Variants in KIAA0319L observed in about 807,000 individuals in gnomAD.
The protein encoded by KIAA0319L is KIAA0319 like, also known as dyslexia-associated protein KIAA0319-like protein.
A neutral mutation model predicts 120.1 loss-of-function variants in KIAA0319L; 55 were observed. The ratio of observed to expected loss-of-function variants is 0.46; its 90% CI spans 0.37 to 0.57. The LOEUF (loss-of-function observed/expected upper bound fraction) is 0.57, where lower values mean the gene tolerates loss of function less well. Among genes scored for constraint, KIAA0319L ranks in the 20% least tolerant of loss-of-function variants. The probability of loss-of-function intolerance (pLI) is 0.00; values close to 1 mark genes in which losing one functional copy is unlikely to be tolerated. For synonymous variants in KIAA0319L, 398 were observed against 471.9 expected (o/e 0.84, Z 2.03); for missense variants, 1,049 against 1,255.3 (o/e 0.84, Z 2.48).
At chr1:35,478,032 A>G (rs1446802348) in intron 4 of KIAA0319L, among the ~76,000 whole-genome samples, 1 of 152,158 alleles carries the variant, frequency 6.6e-6, no homozygotes, top group East Asian at 1.9e-4. Context: ...AATAAAGAAA[A>G]TGTGGTGCTT....
intron 20 of KIAA0319L, 55 bp from the exon 21 acceptor site, chr1:35,435,136 A>AC (rs1640681350): frequency 2.7e-6 from 4 of 1,501,960 alleles, no homozygotes; most frequent in Non-Finnish European, 3.7e-6. Flanking sequence ...GGCTGGAGCC[A>AC]CCCCCACACC....
In KIAA0319L at chr1:35,448,211, G is replaced by A. The variant is rs1281903145; in HGVS notation, c.2475C>T (p.Asp825=). Residue 825 remains aspartate (D), a synonymous_variant, in exon 16 of 21, where the codon GAC becomes GAT. Transcript: ENST00000325722. ...ACGGCTGAATCTTTTGCACAATGATGTCGGAATCCAGCACCCCCAGGAGGA... is the reference window on the plus strand; with the variant it reads ...ACGGCTGAATCTTTTGCACAATGATATCGGAATCCAGCACCCCCAGGAGGA... The part of the protein sequence containing the change: ...IGVLLGVLDS[D]IIVQKIQPYT... 1.2e-6 allele frequency: 2 copies of A among 1,613,898 alleles called. No homozygotes were observed. Among genetic ancestry groups the A allele is most frequent in the Non-Finnish European group, 1.7e-6 (2 of 1,179,962 alleles).
intron 2 of KIAA0319L, among the ~76,000 whole-genome samples, chr1:35,522,965 G>A (rs963379419): frequency 6.8e-5 from 10 of 146,780 alleles, no homozygotes; most frequent in Non-Finnish European, 1.3e-4. Context: ...GTTGCAGTGA[G>A]CTGAGATCGC....
chr1:35,509,507 T>C (rs1314277144), intron 2 of KIAA0319L, among the ~76,000 whole-genome samples: 1 of 152,098 alleles, frequency 6.6e-6, no homozygotes, highest in Non-Finnish European at 1.5e-5. Flanking sequence ...GAGGCAGAGA[T>C]TGGAGCAATA....
Position 35,451,715 on chromosome 1 carries a change from G to A in KIAA0319L, c.1975C>T (p.Gln659Ter). 1 of 1,614,102 alleles carries A rather than the reference G, an allele frequency of 6.2e-7. No homozygotes were observed. Among genetic ancestry groups the A allele is most frequent in the Non-Finnish European group, 8.5e-7 (1 of 1,179,980 alleles). Residue 659 changes from glutamine (Q) to a stop codon, truncating the protein, a stop_gained, in exon 13 of 21, where the codon CAA becomes TAA. Transcript: ENST00000325722. LOFTEE classifies it high-confidence loss of function. ...NSSVATVTGL[Q>*]VGTYVFTLTV... Reference sequence around the variant, plus strand: ...AAGGTGAACACATAGGTCCCCACTTGCAGCCCAGTCACAGTAGCAACACTG... The same window carrying A: ...AAGGTGAACACATAGGTCCCCACTTACAGCCCAGTCACAGTAGCAACACTG...
intron 8 of KIAA0319L, among the ~76,000 whole-genome samples, chr1:35,461,572 AT>A (rs1558345205): frequency 6.6e-6 from 1 of 152,234 alleles, no homozygotes; most frequent in Admixed American, 6.5e-5. Flanking sequence ...GACTATATAT[AT>A]ATTTTCTTAT....
rs1227508211 is a variant in KIAA0319L at position 35,450,015 on chromosome 1, T to G, written c.2215-10A>C. 3.1e-6 allele frequency: 5 copies of G among 1,614,062 alleles called. No individual in the cohort carries two copies. Among genetic ancestry groups the G allele is most frequent in the Non-Finnish European group, 4.2e-6 (5 of 1,179,904 alleles). ...AGTGATTTAACACCTCCTGTAGGGT[T>G]GAACAACATGGCTATGTTACAGAAC... On this transcript the variant is annotated splice_polypyrimidine_tract_variant and intron_variant, in intron 14 of 20. Coordinates refer to ENST00000325722, the MANE Select transcript of KIAA0319L (RefSeq NM_024874.5).
At chr1:35,451,526 C>A in intron 13 of KIAA0319L, 102 bp downstream of exon 13, 1 of 1,171,864 alleles carries the variant, frequency 8.5e-7, no homozygotes. Context: ...TTACCCACCT[C>A]TTGCTATCTC....
chr1:35,533,981 T>A (rs1046947730), intron 2 of KIAA0319L, among the ~76,000 whole-genome samples: 1 of 152,208 alleles, frequency 6.6e-6, no homozygotes, highest in African/African-American at 2.4e-5. Flanking sequence ...AGGAGGTAAC[T>A]AAATCCTTTG....
At chr1:35,461,223 T>C (rs546247789) in intron 8 of KIAA0319L, among the ~76,000 whole-genome samples, 2 of 152,248 alleles carry the variant, frequency 1.3e-5, no homozygotes, top group Admixed American at 1.3e-4. Context: ...TCCCAGCACT[T>C]TGGGAGGCTG....
At chr1:35,549,719 G>A (rs1316009425) in intron 2 of KIAA0319L, among the ~76,000 whole-genome samples, 1 of 152,128 alleles carries the variant, frequency 6.6e-6, no homozygotes, top group Non-Finnish European at 1.5e-5. Context: ...TAAGATTTTA[G>A]TCAATCTTGT....
At chr1:35,481,894 G>A (rs1048666528) in intron 3 of KIAA0319L, among the ~76,000 whole-genome samples, 1 of 145,974 alleles carries the variant, frequency 6.9e-6, no homozygotes, top group Non-Finnish European at 1.5e-5. Context: ...GCGCGATCTC[G>A]GCTCACTGCA....
rs1452836254 is a variant in KIAA0319L, at chr1:35,444,269, G to T, written c.2548C>A (p.Pro850Thr). The part of the protein sequence containing the change: ...KMVFFVQNEP[P>T]HQIFKGHEVA... ...TCATGGCCTTTGAAGATCTGGTGGG[G>T]AGGCTCGTTTTGAACAAAAAATACC... The change falls in exon 17 of 21, where the codon CCC becomes ACC. Residue 850 changes from proline (P) to threonine (T), a missense_variant. By Grantham distance (38) the Pro-to-Thr change is conservative. Coordinates refer to ENST00000325722, the MANE Select transcript of KIAA0319L (RefSeq NM_024874.5). 1 of 1,609,192 alleles carries T rather than the reference G, an allele frequency of 6.2e-7. No homozygotes were observed. The highest frequency in any genetic ancestry group is 8.5e-7 in the Non-Finnish European group (1 of 1,178,100).
chr1:35,542,491 G>A (rs942033529), intron 2 of KIAA0319L, among the ~76,000 whole-genome samples: 1 of 152,166 alleles, frequency 6.6e-6, no homozygotes, highest in African/African-American at 2.4e-5. Flanking sequence ...GGAGTCAAAA[G>A]TGGCTACAGG....
Position 35,506,956 on chromosome 1 carries a change from C to T in KIAA0319L, c.322G>A (p.Ala108Thr). The T allele has an allele frequency of 6.2e-7, 1 of 1,613,614 alleles. No homozygotes were observed. The highest frequency in any genetic ancestry group is 1.1e-5 in the South Asian group (1 of 90,986). ...FWWLEGMCIQ[A>T]DCSRPQSCRA... The stretch of plus-strand genomic sequence containing the variant: ...CAGCTCTGGGGCCTGCTGCAGTCTG[C>T]CTGAATGCACATCCCTTCTAGCCAC... The change falls in exon 3 of 21, where the codon GCA becomes ACA. Residue 108 changes from alanine (A) to threonine (T), a missense_variant. Physicochemically the swap from Ala to Thr is moderately conservative, Grantham distance 58. Coordinates refer to ENST00000325722, the MANE Select transcript of KIAA0319L (RefSeq NM_024874.5). The surrounding 1 kb of genome is among the most constrained non-coding windows in gnomAD (Gnocchi z 4.0).
chr1:35,485,803 A>T (rs568898721), intron 3 of KIAA0319L, among the ~76,000 whole-genome samples: 4 of 151,702 alleles, frequency 2.6e-5, no homozygotes, highest in South Asian at 2.1e-4. Context: ...TTATTTATTT[A>T]TTTTTTTTCC....
At chr1:35,473,604 T>C (rs968612164) in intron 5 of KIAA0319L, among the ~76,000 whole-genome samples, 7 of 152,224 alleles carry the variant, frequency 4.6e-5, no homozygotes, top group Middle Eastern at 3.4e-3. Context: ...CACCTTAACT[T>C]GTCACCAGAG....
chr1:35,491,096 C>T (rs1207602559), intron 3 of KIAA0319L, among the ~76,000 whole-genome samples: 1 of 152,026 alleles, frequency 6.6e-6, no homozygotes, highest in Non-Finnish European at 1.5e-5. Context: ...CAGACTAATG[C>T]AATACTGTAG....
chr1:35,481,036 T>G (rs925174904), intron 3 of KIAA0319L, among the ~76,000 whole-genome samples: 1 of 152,194 alleles, frequency 6.6e-6, no homozygotes, highest in Non-Finnish European at 1.5e-5. Context: ...GTATTTCATA[T>G]AAAAGGAAGC....
Sources: allele counts gnomAD v4.1 joint callset (sites outside exome capture counted in the v4.1 genomes callset), GRCh38; gene constraint gnomAD v4.1.1; non-coding constraint Gnocchi (gnomAD v3.1); transcripts MANE v1.5; gene names NCBI Gene and HGNC (gene_info 2026-07-23, HGNC 2026-07-21).